The following NRXN3 variants were observed in gnomAD, a reference collection of about 807,000 sequenced individuals.
NRXN3 encodes the protein neurexin 3.
Under a neutral mutation model 137.6 loss-of-function variants are expected in NRXN3, and 32 were observed. The ratio of observed to expected loss-of-function variants is 0.23; its 90% CI spans 0.18 to 0.31. The LOEUF (loss-of-function observed/expected upper bound fraction) is 0.31. NRXN3 is among the 10% of genes least tolerant of loss of function. The pLI is 1.00. For missense variants in NRXN3, 1,574 were observed against 2,062.5 expected (o/e 0.76, Z 4.59); for synonymous variants, 798 against 784.5 (o/e 1.02, Z -0.29).
chr14:78,625,064 A>G (rs2097443681), intron 4 of NRXN3, among the ~76,000 whole-genome samples: 1 of 151,016 alleles, frequency 6.6e-6, no homozygotes, highest in South Asian at 2.1e-4. Flanking sequence ...CTGGTCTTGA[A>G]CTCCTGACCT....
chr14:78,601,963 A>G (rs2097205688), intron 4 of NRXN3, among the ~76,000 whole-genome samples: 1 of 152,106 alleles, frequency 6.6e-6, no homozygotes, highest in South Asian at 2.1e-4. Context: ...GGTCATTTCT[A>G]AGGTTAGGAA....
chr14:78,777,222 C>T, intron 8 of NRXN3, among the ~76,000 whole-genome samples: 1 of 152,194 alleles, frequency 6.6e-6, no homozygotes, highest in East Asian at 1.9e-4. Flanking sequence ...CTTACTTTCA[C>T]TGCAGTTATT....
chr14:78,974,145 C>T (rs1319617236), intron 14 of NRXN3, among the ~76,000 whole-genome samples: 1 of 152,032 alleles, frequency 6.6e-6, no homozygotes, highest in African/African-American at 2.4e-5. Flanking sequence ...GTATAGAGGG[C>T]CCTTGTGGCA....
Position 78,645,106 on chromosome 14 carries a change from T to A in NRXN3, c.758-14T>A. The A allele has an allele frequency of 6.5e-7, 1 of 1,529,878 alleles. No homozygotes were observed. The highest frequency in any genetic ancestry group is 8.8e-7 in the Non-Finnish European group (1 of 1,142,354). 94.8% of individuals were successfully genotyped at this position (1,529,878 alleles called of 1,614,324 possible). ...GACAAGTGCTGATTGCTTTCCTCTT[T>A]TCTTTTCCTATAGCTCGAGAGGAGA... On this transcript the variant is annotated splice_polypyrimidine_tract_variant and intron_variant, in intron 4 of 20. Transcript: ENST00000335750.
chr14:78,704,245 G>T (rs1474289182), intron 6 of NRXN3, among the ~76,000 whole-genome samples: 1 of 152,186 alleles, frequency 6.6e-6, no homozygotes, highest in African/African-American at 2.4e-5. Context: ...AGTGGGTTGG[G>T]CAAGAGGGCA....
At chr14:79,432,747 A>C (rs2095784014) in intron 15 of NRXN3, among the ~76,000 whole-genome samples, 1 of 152,220 alleles carries the variant, frequency 6.6e-6, no homozygotes, top group South Asian at 2.1e-4. Flanking sequence ...AAATTTAAAA[A>C]ATCATGAGGT....
At chr14:79,353,170 T>C (rs979787622) in intron 15 of NRXN3, among the ~76,000 whole-genome samples, 10 of 152,120 alleles carry the variant, frequency 6.6e-5, no homozygotes, top group African/African-American at 2.4e-4. Context: ...AATCTCACTT[T>C]CTGAAAATTC....
At chr14:78,882,734 G>A (rs1596918009) in intron 10 of NRXN3, among the ~76,000 whole-genome samples, 2 of 151,770 alleles carry the variant, frequency 1.3e-5, no homozygotes, top group Middle Eastern at 3.4e-3. Context: ...GGACTTTTGA[G>A]TTAATGCTGG....
At chr14:79,558,603 A>G (rs565090702) in intron 16 of NRXN3, among the ~76,000 whole-genome samples, 3 of 150,634 alleles carry the variant, frequency 2.0e-5, no homozygotes, top group Admixed American at 1.3e-4. Flanking sequence ...CAGTAGGCTT[A>G]AATAAACCAT....
intron 15 of NRXN3, among the ~76,000 whole-genome samples, chr14:79,318,603 G>A (rs1474865495): frequency 6.6e-6 from 1 of 152,196 alleles, no homozygotes. Context: ...GTTTCAGTCA[G>A]ACAGGAAGTG....
chr14:79,381,904 A>G (rs559436351), intron 15 of NRXN3, among the ~76,000 whole-genome samples: 6 of 152,166 alleles, frequency 3.9e-5, no homozygotes, highest in Non-Finnish European at 7.4e-5. Flanking sequence ...TTATGTGCCC[A>G]TATTTCATCC....
chr14:79,371,669 A>G (rs1481202259), intron 15 of NRXN3, among the ~76,000 whole-genome samples: 1 of 152,142 alleles, frequency 6.6e-6, no homozygotes, highest in Non-Finnish European at 1.5e-5. Flanking sequence ...AGGCACGGTG[A>G]ATTCTTTGTT....
chr14:78,614,323 CAAAAT>C (rs755771451), intron 4 of NRXN3, among the ~76,000 whole-genome samples: 3 of 152,068 alleles, frequency 2.0e-5, no homozygotes, highest in Middle Eastern at 3.4e-3. Flanking sequence ...ATCTAAAAAA[CAAAAT>C]AAAACAAAAT....
intron 15 of NRXN3, among the ~76,000 whole-genome samples, chr14:79,036,795 G>A (rs1311585374): frequency 1.3e-5 from 2 of 151,662 alleles, no homozygotes; most frequent in African/African-American, 4.8e-5. Context: ...TGGGGGAAAG[G>A]CATGATGACT....
chr14:78,929,233 T>C (rs1418861902), intron 10 of NRXN3, among the ~76,000 whole-genome samples: 1 of 152,164 alleles, frequency 6.6e-6, no homozygotes, highest in Non-Finnish European at 1.5e-5. Context: ...AGTTCAGGGG[T>C]ACATGTGCAT....
In NRXN3 at chr14:79,683,510, G is replaced by A. The variant is rs183480905; in HGVS notation, c.3617-8663G>A. On this transcript the variant is annotated intron_variant, in intron 17 of 20. Transcript: ENST00000335750. Reference sequence around the variant, plus strand: ...GAAGGGATCTTAAAGAGACCTGCCTGTGTTCCATCATTTGAAGCTTTCTGG... The same window carrying A: ...GAAGGGATCTTAAAGAGACCTGCCTATGTTCCATCATTTGAAGCTTTCTGG... Among the ~76,000 whole-genome samples the A allele has an allele frequency of 9.3e-4, 141 of 152,280 alleles. 1 individual carries two copies. The highest frequency in any genetic ancestry group is 3.2e-3 in the African/African-American group (132 of 41,560).
At chr14:78,445,682 G>C (rs903906069) in intron 4 of NRXN3, among the ~76,000 whole-genome samples, 4 of 152,158 alleles carry the variant, frequency 2.6e-5, no homozygotes, top group Non-Finnish European at 2.9e-5. Flanking sequence ...TCCATGATGG[G>C]AAAGACCAAC....
At chr14:79,414,238 G>C (rs1346342889) in intron 15 of NRXN3, among the ~76,000 whole-genome samples, 1 of 152,094 alleles carries the variant, frequency 6.6e-6, no homozygotes, top group Non-Finnish European at 1.5e-5. Context: ...CAGGGTTATA[G>C]ACAGTAAAGC....
intron 16 of NRXN3, among the ~76,000 whole-genome samples, chr14:79,574,666 G>A (rs1166687988): frequency 6.6e-6 from 1 of 151,984 alleles, no homozygotes; most frequent in Non-Finnish European, 1.5e-5. Context: ...TGAGTGGACT[G>A]GGGGGTTTGG....
Sources: gnomAD v4.1 joint callset for allele counts (sites outside exome capture counted in the v4.1 genomes callset) on GRCh38, gnomAD v4.1.1 for gene constraint, MANE v1.5 for transcripts, NCBI Gene and HGNC (gene_info 2026-07-23, HGNC 2026-07-21) for gene names.